The following PKD1L1 variants were observed in gnomAD, a reference collection of about 807,000 sequenced individuals.
The protein encoded by PKD1L1 is polycystin 1 like 1, transient receptor potential channel interacting.
A neutral mutation model predicts 323.4 loss-of-function variants in PKD1L1; 236 were observed. That is an observed-to-expected ratio of 0.73 (90% CI 0.66 to 0.81). The LOEUF (loss-of-function observed/expected upper bound fraction) is 0.81. Ranked by LOEUF, PKD1L1 falls within the 40% of genes least tolerant of loss-of-function variation. The pLI is 0.00. For synonymous variants in PKD1L1, 1,344 were observed against 1,335.0 expected (o/e 1.01, Z -0.15); for missense variants, 3,320 against 3,508.0 (o/e 0.95, Z 1.35).
intron 28 of PKD1L1, 148 bp from the exon 29 acceptor site, chr7:47,855,413 C>T: frequency 1.9e-6 from 1 of 536,940 alleles, no homozygotes; most frequent in Non-Finnish European, 3.2e-6. Flanking sequence ...AAAAATAAAC[C>T]AGTTTTACTA....
intron 26 of PKD1L1, among the ~76,000 whole-genome samples, chr7:47,864,969 G>A (rs1042023782): frequency 3.9e-5 from 6 of 152,014 alleles, no homozygotes; most frequent in Admixed American, 6.6e-5. Flanking sequence ...TTCGGGATCC[G>A]CCCGCCTCGG....
At chr7:47,863,106 A>G (rs1786068250) in intron 26 of PKD1L1, among the ~76,000 whole-genome samples, 1 of 152,154 alleles carries the variant, frequency 6.6e-6, no homozygotes, top group South Asian at 2.1e-4. Flanking sequence ...TTGAGGAAGA[A>G]CAGATGGGAC....
At chr7:47,898,822 A>G (rs1787016478) in intron 13 of PKD1L1, among the ~76,000 whole-genome samples, 1 of 152,192 alleles carries the variant, frequency 6.6e-6, no homozygotes, top group Non-Finnish European at 1.5e-5. Flanking sequence ...CTAGTTTATA[A>G]TAAAATTTCC....
At position 47,847,079 on chromosome 7, in the gene PKD1L1, G is replaced by C. The variant is rs1452252000; in HGVS notation, c.4961-8C>G. 1 of 1,556,588 alleles carries C rather than the reference G, an allele frequency of 6.4e-7. No individual in the cohort carries two copies. Among genetic ancestry groups the C allele is most frequent in the Admixed American group, 2.1e-5 (1 of 48,048 alleles). ...AATAGCCTACACTGGCATCTAAAAA[G>C]AGAAAACATAAATAAAAAGTACAAC... On this transcript the variant is annotated splice_region_variant and splice_polypyrimidine_tract_variant and intron_variant, in intron 31 of 56. Coordinates refer to ENST00000289672, the MANE Select transcript of PKD1L1 (RefSeq NM_138295.5).
At chr7:47,929,114 A>G (rs1477266689) in intron 7 of PKD1L1, 90 bp downstream of exon 7, 5 of 1,308,324 alleles carry the variant, frequency 3.8e-6, no homozygotes, top group Non-Finnish European at 5.3e-6. Flanking sequence ...AACGGAATGC[A>G]GTTTCTTTTC....
chr7:47,855,029 C>A lies in PKD1L1; in HGVS notation c.4712G>T (p.Arg1571Ile), dbSNP rs371152993. The change falls in exon 30 of 57, where the codon AGA (arginine) becomes ATA (isoleucine). Residue 1571 changes from arginine (R) to isoleucine (I), a missense_variant. Physicochemically the swap from Arg to Ile is moderately conservative, Grantham distance 97 (BLOSUM62 -3). Coordinates refer to ENST00000289672, the MANE Select transcript of PKD1L1 (RefSeq NM_138295.5). The stretch of plus-strand genomic sequence containing the variant: ...AAGTAATACAAATGTCGTTTTATTT[C>A]TCCTATTATCCTGTCATCACAAAGA... ...FGEEDGLDNRRNKTTFVLLRD... is the reference protein window; with the variant it reads ...FGEEDGLDNRINKTTFVLLRD... 1.2e-6 allele frequency: 2 copies of A among 1,612,534 alleles called. No homozygotes were observed.
intron 44 of PKD1L1, among the ~76,000 whole-genome samples, chr7:47,828,379 G>C (rs189886865): frequency 1.3e-5 from 2 of 151,826 alleles, no homozygotes; most frequent in Non-Finnish European, 2.9e-5. Context: ...AGAGGAAGGA[G>C]AGCCTTCCAA....
chr7:47,919,284 ATAAATTCC>A (rs1787490169), intron 7 of PKD1L1, among the ~76,000 whole-genome samples: 1 of 152,186 alleles, frequency 6.6e-6, no homozygotes, highest in African/African-American at 2.4e-5. Context: ...GAAGAGATGG[ATAAATTCC>A]TGGAAAGATA....
At chr7:47,948,560 G>A (rs1268869910), upstream of PKD1L1, 4 of 917,504 alleles carry the variant, frequency 4.4e-6, no homozygotes, top group Non-Finnish European at 5.1e-6. Flanking sequence ...CCTCTTATCA[G>A]GACACACATC....
At chr7:47,787,134 C>CA (rs1363343954) in intron 56 of PKD1L1, among the ~76,000 whole-genome samples, 1 of 151,964 alleles carries the variant, frequency 6.6e-6, no homozygotes, top group Non-Finnish European at 1.5e-5. Flanking sequence ...TCCCCTCACA[C>CA]AAAAAAGGGT....
chr7:47,877,497 C>T lies in PKD1L1; in HGVS notation c.3655G>A (p.Gly1219Arg). Reference protein sequence around the residue: ...HTVFSVFCMSGKPDFHYEFSY... With the variant: ...HTVFSVFCMSRKPDFHYEFSY... The stretch of plus-strand genomic sequence containing the variant: ...TGGGGTTGTCCACGTACCGGTTTTC[C>T]AGACATGCAGAAGACACTGAAGACG... Residue 1219 changes from glycine to arginine, a missense_variant, in exon 22 of 57, where the codon GGA becomes AGA. By Grantham distance (125) the Gly-to-Arg change is moderately radical. Coordinates refer to ENST00000289672, the MANE Select transcript of PKD1L1 (RefSeq NM_138295.5). The T allele has an allele frequency of 6.2e-7, 1 of 1,613,766 alleles. No homozygotes were observed. Among genetic ancestry groups the T allele is most frequent in the African/African-American group, 1.3e-5 (1 of 74,996 alleles).
chr7:47,814,059 T>C (rs764602567), intron 47 of PKD1L1, 45 bp from the exon 48 acceptor site: 1 of 1,529,150 alleles, frequency 6.5e-7, no homozygotes, highest in Non-Finnish European at 9.0e-7. Flanking sequence ...TGCTGTGGAC[T>C]TCAAACCTCC....
intron 37 of PKD1L1, among the ~76,000 whole-genome samples, 156 bp from the exon 38 acceptor site, chr7:47,835,399 A>AATTG (rs941139895): frequency 4.6e-5 from 7 of 152,126 alleles, no homozygotes; most frequent in South Asian, 2.1e-4. Context: ...GTTACAATTC[A>AATTG]ATTGATTGAT....
At chr7:47,937,686 T>G (rs1787898099) in intron 3 of PKD1L1, among the ~76,000 whole-genome samples, 1 of 152,026 alleles carries the variant, frequency 6.6e-6, no homozygotes, top group Non-Finnish European at 1.5e-5. Context: ...GGTGAACACC[T>G]CTGAGGCTAT....
intron 24 of PKD1L1, among the ~76,000 whole-genome samples, chr7:47,873,237 A>C (rs998582080): frequency 2.0e-5 from 3 of 152,208 alleles, no homozygotes; most frequent in African/African-American, 7.2e-5. Flanking sequence ...AATTGTCTAA[A>C]ACTAGCTTAT....
chr7:47,928,923 G>A (rs1787706241), intron 7 of PKD1L1, among the ~76,000 whole-genome samples: 1 of 152,096 alleles, frequency 6.6e-6, no homozygotes, highest in South Asian at 2.1e-4. Context: ...TTACCTTTGG[G>A]ACCTCAGGGC....
At chr7:47,859,229 C>A (rs932097677) in intron 26 of PKD1L1, among the ~76,000 whole-genome samples, 5 of 152,242 alleles carry the variant, frequency 3.3e-5, no homozygotes, top group East Asian at 3.9e-4. Flanking sequence ...TTGTTTTAAA[C>A]CCCAACGACC....
intron 56 of PKD1L1, among the ~76,000 whole-genome samples, chr7:47,790,040 C>T (rs1402283588): frequency 6.6e-6 from 1 of 151,902 alleles, no homozygotes; most frequent in Non-Finnish European, 1.5e-5. Flanking sequence ...AGCCGCGTGC[C>T]ATGACGCCCA....
chr7:47,824,530 T>A (rs939108083), intron 45 of PKD1L1, among the ~76,000 whole-genome samples: 3 of 152,142 alleles, frequency 2.0e-5, no homozygotes, highest in African/African-American at 7.2e-5. Flanking sequence ...AGAGACTAGG[T>A]TTATATGGTC....
Sources: gnomAD v4.1 joint callset for allele counts (sites outside exome capture counted in the v4.1 genomes callset) on GRCh38, gnomAD v4.1.1 for gene constraint, MANE v1.5 for transcripts, NCBI Gene and HGNC (gene_info 2026-07-23, HGNC 2026-07-21) for gene names.